Variants in KIF18A observed in about 807,000 individuals in gnomAD.
The protein encoded by KIF18A is kinesin-like protein KIF18A.
A neutral mutation model predicts 103.3 loss-of-function variants in KIF18A; 67 were observed. That is an observed-to-expected ratio of 0.65 (90% CI 0.53 to 0.79). The LOEUF (loss-of-function observed/expected upper bound fraction) is 0.79, where lower values mean the gene tolerates loss of function less well. KIF18A is among the 30% of genes least tolerant of loss of function. The probability of loss-of-function intolerance (pLI) is 0.00; values close to 1 mark genes in which losing one functional copy is unlikely to be tolerated. For synonymous variants in KIF18A, 367 were observed against 355.5 expected (o/e 1.03, Z -0.36); for missense variants, 1,032 against 1,062.5 (o/e 0.97, Z 0.40).
intron 1 of KIF18A, among the ~76,000 whole-genome samples, chr11:28,102,237 C>T (rs1590715668): frequency 6.6e-6 from 1 of 152,138 alleles, no homozygotes; most frequent in Admixed American, 6.6e-5. Context: ...TTGCTGAGAG[C>T]TTCCTCTGCA....
At chr11:28,035,090 G>A (rs757730993) in intron 15 of KIF18A, among the ~76,000 whole-genome samples, 1 of 151,558 alleles carries the variant, frequency 6.6e-6, no homozygotes, top group East Asian at 1.9e-4. Context: ...AACGAAATAA[G>A]TAAAAATTGT....
intron 10 of KIF18A, among the ~76,000 whole-genome samples, chr11:28,073,573 C>T (rs1188454770): frequency 6.6e-6 from 1 of 152,060 alleles, no homozygotes; most frequent in Non-Finnish European, 1.5e-5. Flanking sequence ...GTTCTCAGTG[C>T]CTCTGTTCCT....
At chr11:28,086,541 T>C (rs1444479469) in intron 6 of KIF18A, among the ~76,000 whole-genome samples, 1 of 152,228 alleles carries the variant, frequency 6.6e-6, no homozygotes, top group East Asian at 1.9e-4. Flanking sequence ...CAACCTAATG[T>C]TATCCAATGT....
chr11:28,025,618 ATAAAAG>A (rs1850308124), intron 15 of KIF18A, among the ~76,000 whole-genome samples: 2 of 151,986 alleles, frequency 1.3e-5, no homozygotes, highest in African/African-American at 2.4e-5. Context: ...GCGTATTTAT[ATAAAAG>A]TAAAATATAC....
chr11:28,050,536 T>C (rs1449646914), intron 13 of KIF18A, among the ~76,000 whole-genome samples: 2 of 151,932 alleles, frequency 1.3e-5, no homozygotes, highest in Non-Finnish European at 2.9e-5. Flanking sequence ...AGAATATTGG[T>C]ACTATGTTAA....
rs11607351 is a variant in KIF18A at position 28,094,805 on chromosome 11, G to A, written c.326-5C>T. On this transcript the variant is annotated splice_polypyrimidine_tract_variant and splice_region_variant and intron_variant, in intron 2 of 16. Transcript: ENST00000263181. ...CAGTGGCACCATAGGCAAGTACTGA[G>A]TTTTTAAGAAAGGGATCAAAACTCT... 56,992 of 1,612,638 alleles carry A rather than the reference G, an allele frequency of 0.035. 1,213 individuals are homozygous for A. Among genetic ancestry groups the A allele is most frequent in the Middle Eastern group, 0.076 (462 of 6,056 alleles).
Position 28,021,456 on chromosome 11 carries a change from G to A in KIF18A, c.2615-174C>T, listed in dbSNP as rs561909249. On this transcript the variant is annotated intron_variant, in intron 16 of 16. Transcript: ENST00000263181. ...ACAACAAAGAGACATTAATACCTTT[G>A]GTTTAAAAGCTGTTCAAATTCATAT... Among the ~76,000 whole-genome samples, 7 of 152,138 alleles carry A rather than the reference G, an allele frequency of 4.6e-5. No individual in the cohort carries two copies. The East Asian group carries it at 1.4e-3, about 29-fold the overall frequency.
At chr11:28,104,256 T>C (rs1851479472) in intron 1 of KIF18A, among the ~76,000 whole-genome samples, 1 of 152,194 alleles carries the variant, frequency 6.6e-6, no homozygotes, top group Admixed American at 6.5e-5. Context: ...AACTATCCAA[T>C]GACTTCTCAT....
intron 6 of KIF18A, among the ~76,000 whole-genome samples, chr11:28,085,581 TC>T (rs1851217041): frequency 6.6e-6 from 1 of 151,510 alleles, no homozygotes; most frequent in Admixed American, 6.6e-5. Context: ...GAGGGAAGGG[TC>T]CCCTGTCCTA....
At chr11:28,099,693 G>A (rs376574919) in intron 1 of KIF18A, among the ~76,000 whole-genome samples, 1 of 152,256 alleles carries the variant, frequency 6.6e-6, no homozygotes, top group South Asian at 2.1e-4. Context: ...TACAGGTATT[G>A]TAGGAAGCTT....
intron 15 of KIF18A, among the ~76,000 whole-genome samples, chr11:28,032,357 G>GA (rs1850422200): frequency 6.6e-6 from 1 of 151,694 alleles, no homozygotes; most frequent in African/African-American, 2.4e-5. Context: ...CATAGAAATA[G>GA]AAAAAACAAT....
chr11:28,105,338 C>T (rs2170793), intron 1 of KIF18A, among the ~76,000 whole-genome samples: 2 of 152,104 alleles, frequency 1.3e-5, no homozygotes, highest in Non-Finnish European at 2.9e-5. Context: ...ACTACTCTCC[C>T]TGATGTAAAT....
chr11:28,098,075 A>G, intron 1 of KIF18A, 82 bp from the exon 2 acceptor site: 1 of 698,404 alleles, frequency 1.4e-6, no homozygotes, highest in Non-Finnish European at 2.3e-6. Flanking sequence ...TTCATTCAAA[A>G]AAGATGTTAA....
chr11:28,038,404 A>T (rs1383150254), intron 13 of KIF18A, among the ~76,000 whole-genome samples: 1 of 151,566 alleles, frequency 6.6e-6, no homozygotes, highest in Non-Finnish European at 1.5e-5. Context: ...GGTGAACTTC[A>T]TGGTGTCTGA....
rs190806005 is a variant in KIF18A, at chr11:28,052,587, C to A, written c.1948+6339G>T. Among the ~76,000 whole-genome samples the A allele has an allele frequency of 3.1e-3, 476 of 152,188 alleles. 2 individuals carry two copies. Among genetic ancestry groups the A allele is most frequent in the Admixed American group, 7.5e-3 (114 of 15,260 alleles). On this transcript the variant is annotated intron_variant, in intron 13 of 16. Transcript: ENST00000263181. ...AGTGAGATCCTCCCTGACCATGCTA[C>A]TGAAAATAGCAATCTCTCTCCTCCC... is the stretch of plus-strand genomic sequence containing the variant.
intron 15 of KIF18A, 24 bp from the exon 16 acceptor site, chr11:28,023,874 T>C (rs915374424): frequency 8.7e-6 from 12 of 1,380,588 alleles, no homozygotes; most frequent in Non-Finnish European, 1.2e-5. Flanking sequence ...GTTTTTAATT[T>C]AGTTAAGCAT....
At chr11:28,107,151 A>G (rs1252171690) in intron 1 of KIF18A, among the ~76,000 whole-genome samples, 3 of 152,210 alleles carry the variant, frequency 2.0e-5, no homozygotes, top group African/African-American at 7.2e-5. Context: ...ATTCTCTAGC[A>G]TCAAAGTTTA....
At chr11:28,075,397 C>T (rs763823976) in intron 10 of KIF18A, among the ~76,000 whole-genome samples, 70 of 152,066 alleles carry the variant, frequency 4.6e-4, no homozygotes, top group Non-Finnish European at 7.2e-4. Flanking sequence ...GATAATATTA[C>T]TAAATATTTC....
chr11:28,029,071 C>T (rs184220632), intron 15 of KIF18A, among the ~76,000 whole-genome samples: 66 of 152,020 alleles, frequency 4.3e-4, no homozygotes, highest in East Asian at 3.9e-4. Flanking sequence ...CAGGACCGGG[C>T]GGATTCACAG....
Sources: allele counts gnomAD v4.1 joint callset (sites outside exome capture counted in the v4.1 genomes callset), GRCh38; gene constraint gnomAD v4.1.1; transcripts MANE v1.5; gene names NCBI Gene and HGNC (gene_info 2026-07-23, HGNC 2026-07-21).